The following HDLBP variants were observed in gnomAD, a reference collection of about 807,000 sequenced individuals.
The protein encoded by HDLBP is high density lipoprotein binding protein, also known as vigilin.
HDLBP carries 30 observed loss-of-function variants against 137.3 expected under a neutral mutation model. That is an observed-to-expected ratio of 0.22 (90% CI 0.16 to 0.30). The LOEUF (loss-of-function observed/expected upper bound fraction) is 0.30, where lower values mean the gene tolerates loss of function less well. Among genes scored for constraint, HDLBP ranks in the 10% least tolerant of loss-of-function variants. HDLBP has a pLI of 1.00. For synonymous variants in HDLBP, 606 were observed against 596.0 expected (o/e 1.02, Z -0.24); for missense variants, 1,119 against 1,667.3 (o/e 0.67, Z 5.73).
At chr2:241,308,022 C>T (rs1397718368) in intron 1 of HDLBP, among the ~76,000 whole-genome samples, 2 of 152,158 alleles carry the variant, frequency 1.3e-5, no homozygotes, top group African/African-American at 4.8e-5. Flanking sequence ...GGTAAAACTG[C>T]CCACCTCCCA....
At chr2:241,311,790 T>C (rs1371315519) in intron 1 of HDLBP, among the ~76,000 whole-genome samples, 1 of 152,150 alleles carries the variant, frequency 6.6e-6, no homozygotes, top group Non-Finnish European at 1.5e-5. Context: ...CAATATGTAG[T>C]CATAATATAA....
intron 10 of HDLBP, 21 bp downstream of exon 10, chr2:241,253,372 A>C: frequency 1.3e-6 from 2 of 1,511,714 alleles, no homozygotes; most frequent in South Asian, 2.2e-5. Flanking sequence ...AGCACACACA[A>C]CATTCCAAGG....
intron 1 of HDLBP, among the ~76,000 whole-genome samples, chr2:241,313,279 CT>C: frequency 6.6e-6 from 1 of 152,264 alleles, no homozygotes; most frequent in South Asian, 2.1e-4. Context: ...TCTATATCCT[CT>C]TTTTTTGTTG....
In HDLBP at chr2:241,300,243, C is replaced by T. The variant is rs77104391; in HGVS notation, c.-103+15327G>A. Among the ~76,000 whole-genome samples, 1,782 of 152,048 alleles carry T rather than the reference C, an allele frequency of 0.012. 127 individuals carry two copies. In the East Asian group the frequency reaches 0.17, roughly 14 times the overall value. ...AGTTCTTCCTAGTAGAAGGCGGGCG[C>T]CCCCCGGTGCTCCATCTGGGCCAGC... On this transcript the variant is annotated intron_variant, in intron 1 of 27. Coordinates refer to ENST00000310931, the MANE Select transcript of HDLBP (RefSeq NM_005336.6).
At chr2:241,314,838 AG>A (rs2075959952) in intron 1 of HDLBP, among the ~76,000 whole-genome samples, 1 of 152,208 alleles carries the variant, frequency 6.6e-6, no homozygotes, top group Admixed American at 6.5e-5. Flanking sequence ...TTAGGAACTC[AG>A]GAAGTGTTTC....
chr2:241,300,532 G>T (rs1376341884), intron 1 of HDLBP, among the ~76,000 whole-genome samples: 1 of 152,110 alleles, frequency 6.6e-6, no homozygotes, highest in Non-Finnish European at 1.5e-5. Flanking sequence ...GTACATACTG[G>T]AATTAAAATA....
At position 241,228,587 on chromosome 2, in the gene HDLBP, C is replaced by T. The variant is rs1009474908; in HGVS notation, c.*1014G>A. ...CTCCAGCTTAGGTACACGGCGCCCA[C>T]CCCCAGCTCCACGGGAAACCCATAA... On this transcript the variant is annotated 3_prime_UTR_variant, in exon 28 of 28. Transcript: ENST00000310931. 1 of 152,538 alleles carries T rather than the reference C, an allele frequency of 6.6e-6. No homozygotes were observed. Among genetic ancestry groups the T allele is most frequent in the African/African-American group, 2.4e-5 (1 of 41,422 alleles). 9.4% of individuals were successfully genotyped at this position (152,538 alleles called of 1,614,324 possible). A position where few individuals can be genotyped will look rare whatever the true frequency, so the allele number is the denominator to read the frequency against.
chr2:241,270,197 G>A, intron 1 of HDLBP, among the ~76,000 whole-genome samples: 1 of 152,190 alleles, frequency 6.6e-6, no homozygotes, highest in Non-Finnish European at 1.5e-5. Context: ...ATACTGAAAG[G>A]AGTCTCAACA....
Position 241,267,642 on chromosome 2 carries a change from G to A in HDLBP, c.-37-736C>T. On this transcript the variant is annotated intron_variant, in intron 2 of 27. Transcript: ENST00000310931. ...AAAAGCCAGCGGTCTCTCTCTGCAA[G>A]GTGCATCCAGGCCCCAAACTAAACC... 3 of 1,535,718 alleles carry A rather than the reference G, an allele frequency of 2.0e-6. No individual in the cohort carries two copies. In the South Asian group the frequency reaches 3.6e-5, roughly 18 times the overall value.
intron 1 of HDLBP, among the ~76,000 whole-genome samples, chr2:241,289,400 A>G (rs919595026): frequency 3.9e-5 from 6 of 152,240 alleles, no homozygotes; most frequent in Admixed American, 1.3e-4. Context: ...GCTTACTTAT[A>G]TAACTGTCTC....
Position 241,296,852 on chromosome 2 carries a change from G to C in HDLBP, c.-103+18718C>G, listed in dbSNP as rs560493003. On this transcript the variant is annotated intron_variant, in intron 1 of 27. Transcript: ENST00000310931. ...CACACTTCAAAAATGCTACTCTCCA[G>C]AAGTGCCTGCAAAAGAATACAGAAG... 2.0e-5 allele frequency among the ~76,000 whole-genome samples: 3 copies of C among 152,360 alleles called. No individual in the cohort carries two copies. The South Asian group carries it at 6.2e-4, about 32-fold the overall frequency.
chr2:241,280,674 T>C (rs978529059), intron 1 of HDLBP, among the ~76,000 whole-genome samples: 15 of 152,346 alleles, frequency 9.8e-5, no homozygotes, highest in African/African-American at 3.6e-4. Context: ...AACACCAAAC[T>C]TGTTGCCAGG....
intron 1 of HDLBP, among the ~76,000 whole-genome samples, chr2:241,279,489 CAG>C (rs1335126646): frequency 6.6e-6 from 1 of 152,186 alleles, no homozygotes; most frequent in Non-Finnish European, 1.5e-5. Context: ...TCTCCAGTGT[CAG>C]TAATTCAGGC....
chr2:241,284,103 G>A (rs1467595538), intron 1 of HDLBP, among the ~76,000 whole-genome samples: 1 of 152,174 alleles, frequency 6.6e-6, no homozygotes, highest in Non-Finnish European at 1.5e-5. Context: ...CTCTGATGGA[G>A]ATGTACAAGG....
chr2:241,260,259 G>GCCT (rs1302688633), intron 5 of HDLBP, among the ~76,000 whole-genome samples: 1 of 152,182 alleles, frequency 6.6e-6, no homozygotes, highest in Non-Finnish European at 1.5e-5. Flanking sequence ...GCCCGCCTCA[G>GCCT]CCTCCCAAAG....
chr2:241,302,307 A>G (rs2149697936), intron 1 of HDLBP, among the ~76,000 whole-genome samples: 1 of 152,136 alleles, frequency 6.6e-6, no homozygotes, highest in African/African-American at 2.4e-5. Context: ...TAATCCCAGC[A>G]CTTTGCACTT....
intron 17 of HDLBP, among the ~76,000 whole-genome samples, 183 bp downstream of exon 17, chr2:241,242,277 G>A (rs891699590): frequency 5.3e-5 from 8 of 151,728 alleles, no homozygotes; most frequent in East Asian, 1.9e-4. Flanking sequence ...ATATGTGAGC[G>A]TTTGGACCTG....
At chr2:241,234,383 G>C (rs915948836) in intron 23 of HDLBP, among the ~76,000 whole-genome samples, 2 of 152,222 alleles carry the variant, frequency 1.3e-5, no homozygotes, top group East Asian at 1.9e-4. Context: ...CACAGCCCCT[G>C]AACACCCATG....
intron 24 of HDLBP, among the ~76,000 whole-genome samples, chr2:241,232,427 G>A (rs993071756): frequency 5.3e-5 from 8 of 151,970 alleles, no homozygotes; most frequent in South Asian, 4.1e-4. Flanking sequence ...AGGTGCACGC[G>A]ACCACGCCTG....
Sources: gnomAD v4.1 joint callset for allele counts (sites outside exome capture counted in the v4.1 genomes callset) on GRCh38, gnomAD v4.1.1 for gene constraint, MANE v1.5 for transcripts, NCBI Gene and HGNC (gene_info 2026-07-23, HGNC 2026-07-21) for gene names.